Variants in PSTPIP2 observed in about 807,000 individuals in gnomAD.
PSTPIP2 encodes the protein proline-serine-threonine phosphatase-interacting protein 2.
PSTPIP2 carries 33 observed loss-of-function variants against 63.3 expected under a neutral mutation model. The observed-to-expected ratio is 0.52, with a 90% CI of 0.40 to 0.70. PSTPIP2 has a LOEUF of 0.70. Among genes scored for constraint, PSTPIP2 ranks in the 30% least tolerant of loss-of-function variants. The pLI, the probability that PSTPIP2 is intolerant of heterozygous loss-of-function variation, is 0.00. For synonymous variants in PSTPIP2, 125 were observed against 132.7 expected, an observed-to-expected ratio of 0.94 and a Z score of 0.40; for missense variants, 312 against 400.7, an observed-to-expected ratio of 0.78 and a Z score of 1.89.
chr18:46,013,079 T>C (rs1053923188), intron 4 of PSTPIP2, among the ~76,000 whole-genome samples: 21 of 150,998 alleles, frequency 1.4e-4, no homozygotes, highest in African/African-American at 4.6e-4. Context: ...TTAAGATAAA[T>C]ATATATATTA....
At chr18:46,028,893 T>G in intron 2 of PSTPIP2, 1 of 1,578,654 alleles carries the variant, frequency 6.3e-7, no homozygotes, top group Admixed American at 1.7e-5. Context: ...CCACATCAAC[T>G]TCTCTTCCAA....
rs756384731 is a variant in PSTPIP2, at chr18:46,006,360, C to CTTTTTTTTTTTTTTTTTTTTTTT, written c.355-852_355-830dup. On this transcript the variant is annotated intron_variant, in intron 5 of 14. Coordinates refer to ENST00000409746, the MANE Select transcript of PSTPIP2 (RefSeq NM_024430.4). ...TGAGCCACCATGCCCAGCCCTGGTA[C>CTTTTTTTTTTTTTTTTTTTTTTT]TTTTTTTTTTTTTTTTTTTTTTTTT... Among the ~76,000 whole-genome samples, 10 of 115,628 alleles carry CTTTTTTTTTTTTTTTTTTTTTTT rather than the reference C, an allele frequency of 8.6e-5. 5 individuals are homozygous for CTTTTTTTTTTTTTTTTTTTTTTT. Among genetic ancestry groups the CTTTTTTTTTTTTTTTTTTTTTTT allele is most frequent in the African/African-American group, 1.5e-4 (4 of 27,084 alleles). The allele number at this position is 115,628 out of a possible 152,430, so 75.9% of individuals were successfully genotyped here.
chr18:45,992,748 C>T (rs1342239071), intron 10 of PSTPIP2, among the ~76,000 whole-genome samples: 1 of 146,330 alleles, frequency 6.8e-6, no homozygotes, highest in Non-Finnish European at 1.5e-5. Context: ...GACAGAGTCT[C>T]GCTCTGTCAC....
At chr18:46,029,080 G>T in intron 2 of PSTPIP2, 3 of 800,894 alleles carry the variant, frequency 3.7e-6, no homozygotes, top group Non-Finnish European at 4.5e-6. Context: ...CAGAGCACCT[G>T]TTTGGAAAGG....
intron 1 of PSTPIP2, among the ~76,000 whole-genome samples, chr18:46,057,331 T>C (rs905466826): frequency 6.6e-6 from 1 of 151,644 alleles, no homozygotes; most frequent in Admixed American, 6.6e-5. Flanking sequence ...TCTTTTCTTT[T>C]TCTTTTTTTT....
intron 1 of PSTPIP2, among the ~76,000 whole-genome samples, chr18:46,060,999 C>T (rs1432452273): frequency 6.6e-6 from 1 of 152,134 alleles, no homozygotes; most frequent in Non-Finnish European, 1.5e-5. Context: ...AATAGATGCA[C>T]ATTAATAAAA....
intron 5 of PSTPIP2, among the ~76,000 whole-genome samples, chr18:46,007,260 A>G (rs538028490): frequency 9.2e-5 from 14 of 152,364 alleles, no homozygotes; most frequent in African/African-American, 3.1e-4. Flanking sequence ...CACTTCAAAT[A>G]TGAGCTTTGT....
intron 1 of PSTPIP2, among the ~76,000 whole-genome samples, chr18:46,042,201 T>C (rs1269820034): frequency 6.6e-6 from 1 of 152,192 alleles, no homozygotes; most frequent in African/African-American, 2.4e-5. Context: ...AGCACAAATT[T>C]AGACCTTAGA....
At chr18:46,015,039 G>A (rs1411751905) in intron 4 of PSTPIP2, among the ~76,000 whole-genome samples, 1 of 152,206 alleles carries the variant, frequency 6.6e-6, no homozygotes, top group Non-Finnish European at 1.5e-5. Flanking sequence ...ATCCAAGGGA[G>A]TCAGAGGGAT....
At chr18:46,031,980 G>A (rs1907801619) in intron 2 of PSTPIP2, among the ~76,000 whole-genome samples, 1 of 152,320 alleles carries the variant, frequency 6.6e-6, no homozygotes, top group East Asian at 1.9e-4. Flanking sequence ...GAGGTTGAGA[G>A]GGTATTTCCC....
In PSTPIP2 at chr18:46,024,804, C is replaced by G. The variant is rs1907519422; in HGVS notation, c.135-118G>C. The stretch of plus-strand genomic sequence containing the variant: ...TGTGACCATAGAAGCTCAGATACAA[C>G]ACCATTCTCTAAAATGCAAGACTCC... On this transcript the variant is annotated intron_variant, in intron 2 of 14. Transcript: ENST00000409746. The G allele has an allele frequency of 5.4e-6, 4 of 738,442 alleles. No individual in the cohort carries two copies. The Admixed American group carries it at 6.7e-5, about 12-fold the overall frequency. The allele number at this position is 738,442 out of a possible 1,614,324, so 45.7% of individuals were successfully genotyped here.
intron 1 of PSTPIP2, among the ~76,000 whole-genome samples, chr18:46,065,161 A>AG (rs1568234556): frequency 6.7e-6 from 1 of 150,246 alleles, no homozygotes; most frequent in Non-Finnish European, 1.5e-5. Context: ...AAAAAAAAAA[A>AG]AAAGAAAAGA....
chr18:45,987,974 G>A (rs1291328310), intron 14 of PSTPIP2, among the ~76,000 whole-genome samples: 2 of 152,182 alleles, frequency 1.3e-5, no homozygotes, highest in African/African-American at 4.8e-5. Context: ...TGTATAATGA[G>A]TGTGATATCA....
Position 46,030,738 on chromosome 18 carries a change from C to T in PSTPIP2, c.135-6052G>A, listed in dbSNP as rs1008603740. On this transcript the variant is annotated intron_variant, in intron 2 of 14. Coordinates refer to ENST00000409746, the MANE Select transcript of PSTPIP2 (RefSeq NM_024430.4). ...GAAGGGGGTTGGTATTCCCTGAGTT[C>T]TTTCATATTTGAGACTATTTACCTG... 3.3e-5 allele frequency among the ~76,000 whole-genome samples: 5 copies of T among 152,172 alleles called. 1 individual carries two copies. The South Asian group carries it at 6.2e-4, about 19-fold the overall frequency.
intron 3 of PSTPIP2, among the ~76,000 whole-genome samples, chr18:46,024,031 G>C (rs925619453): frequency 6.6e-6 from 1 of 151,826 alleles, no homozygotes; most frequent in Non-Finnish European, 1.5e-5. Context: ...TGCTTGTCTT[G>C]ATTTTTCACA....
intron 3 of PSTPIP2, 112 bp downstream of exon 3, chr18:46,024,497 T>C: frequency 4.6e-6 from 4 of 868,144 alleles, no homozygotes; most frequent in Non-Finnish European, 7.4e-6. Context: ...TCCAAAAAAA[T>C]TTTTTTTTCA....
At chr18:45,993,167 T>C (rs1318444279) in intron 10 of PSTPIP2, among the ~76,000 whole-genome samples, 1 of 152,182 alleles carries the variant, frequency 6.6e-6, no homozygotes, top group African/African-American at 2.4e-5. Flanking sequence ...CGATCTTGGC[T>C]CACTGCAGCC....
intron 1 of PSTPIP2, among the ~76,000 whole-genome samples, chr18:46,042,269 T>C (rs1908221398): frequency 6.6e-6 from 1 of 152,166 alleles, no homozygotes; most frequent in African/African-American, 2.4e-5. Context: ...CCTCCATACA[T>C]ACCCCTCTGT....
intron 2 of PSTPIP2, among the ~76,000 whole-genome samples, chr18:46,033,557 G>A (rs957353469): frequency 6.6e-6 from 1 of 152,094 alleles, no homozygotes; most frequent in Admixed American, 6.6e-5. Context: ...AATTAGCTGG[G>A]TGTAGTGGTG....
Sources: gnomAD v4.1 joint callset for allele counts (sites outside exome capture counted in the v4.1 genomes callset) on GRCh38, gnomAD v4.1.1 for gene constraint, MANE v1.5 for transcripts, NCBI Gene and HGNC (gene_info 2026-07-23, HGNC 2026-07-21) for gene names.